Variants in INF2 observed in about 807,000 individuals in gnomAD.
INF2 encodes inverted formin 2.
In INF2, 43 loss-of-function variants were observed where a neutral mutation model predicts 123.5. That is an observed-to-expected ratio of 0.35 (90% CI 0.27 to 0.45). The LOEUF is 0.45. Among genes scored for constraint, INF2 ranks in the 20% least tolerant of loss-of-function variants. INF2 has a pLI of 1.00. For missense variants in INF2, 1,453 were observed against 1,682.7 expected (o/e 0.86, Z 2.39); for synonymous variants, 851 against 745.0 (o/e 1.14, Z -2.32).
intron 18 of INF2, 88 bp from the exon 19 acceptor site, chr14:104,713,119 G>T (rs1890130232): frequency 9.3e-6 from 15 of 1,606,462 alleles, no homozygotes; most frequent in Non-Finnish European, 1.3e-5. Flanking sequence ...GCCCTGCGCT[G>T]CTGCGGCTCA....
intron 5 of INF2, 108 bp from the exon 6 acceptor site, chr14:104,705,927 C>G (rs1376349429): frequency 1.4e-6 from 2 of 1,386,466 alleles, no homozygotes; most frequent in Non-Finnish European, 2.0e-6. Flanking sequence ...GGCTCAGAGT[C>G]CCAGGTGGGC....
chr14:104,713,387 G>A, intron 19 of INF2, 58 bp from the exon 20 acceptor site: 2 of 1,578,232 alleles, frequency 1.3e-6, no homozygotes, highest in South Asian at 2.3e-5. Context: ...ACCACCCCCA[G>A]CCCTCTAGGT....
At position 104,710,052 on chromosome 14, in the gene INF2, G is replaced by A. The variant is rs993072031; in HGVS notation, c.2139-36G>A. ...CCCCTCTGGCAGGGACAGGTGGGGG[G>A]TGCAGGCCACTGATCCCTGTCTGTG... On this transcript the variant is annotated intron_variant, in intron 12 of 22. Coordinates refer to ENST00000392634, the MANE Select transcript of INF2 (RefSeq NM_022489.4). 5 of 1,498,596 alleles carry A rather than the reference G, an allele frequency of 3.3e-6. No individual in the cohort carries two copies. In the Admixed American group the frequency reaches 5.9e-5, roughly 18 times the overall value. The allele number at this position is 1,498,596 out of a possible 1,614,324, so 92.8% of individuals were successfully genotyped here.
chr14:104,687,492 A>ACG (rs1278288642), upstream of INF2, among the ~76,000 whole-genome samples: 1 of 151,546 alleles, frequency 6.6e-6, no homozygotes, highest in Non-Finnish European at 1.5e-5. The surrounding 1 kb of genome is among the most constrained non-coding windows in gnomAD (Gnocchi z 5.6). Flanking sequence ...ACACACACAC[A>ACG]CACAGACACA....
chr14:104,707,877 T>G lies in INF2; in HGVS notation c.1610T>G (p.Val537Gly). 1.3e-6 allele frequency: 2 copies of G among 1,597,316 alleles called. No homozygotes were observed. The highest frequency in any genetic ancestry group is 1.7e-6 in the Non-Finnish European group (2 of 1,176,886). Residue 537 changes from valine to glycine, a missense_variant, in exon 8 of 23, where the codon GTC becomes GGC. Physicochemically the swap from Val to Gly is moderately radical, Grantham distance 109. Coordinates refer to ENST00000392634, the MANE Select transcript of INF2 (RefSeq NM_022489.4). ...CCCGTGGCGGGAGGCATGGAGGAGG[T>G]CATCGTGGCCCAGGTGGACCATGGC... Reference protein sequence around the residue: ...SPPVAGGMEEVIVAQVDHGLG... With the variant: ...SPPVAGGMEEGIVAQVDHGLG...
chr14:104,711,563 G>A (rs1226192508), intron 15 of INF2, 66 bp from the exon 16 acceptor site: 12 of 1,429,624 alleles, frequency 8.4e-6, no homozygotes, highest in Non-Finnish European at 1.2e-5. Flanking sequence ...GGGGGAGTGG[G>A]AACAGGGTCA....
intron 20 of INF2, among the ~76,000 whole-genome samples, 169 bp downstream of exon 20, chr14:104,713,775 C>G (rs1161285566): frequency 6.6e-6 from 1 of 152,216 alleles, no homozygotes; most frequent in Non-Finnish European, 1.5e-5. Flanking sequence ...CCGCTCAGCC[C>G]TCATCCCTCC....
Position 104,683,931 on chromosome 14 carries a change from G to C in INF2, c.-104+2349G>C, listed in dbSNP as rs536033868. ...CTACACGCAGGCAGACTATGGGTTG[G>C]GGTGCGGGTGGGTCTCAGGCACTTC... On this transcript the variant is annotated intron_variant, in intron 1 of 2. Coordinates refer to the INF2 transcript ENST00000674723. 149 of 410,232 alleles carry C rather than the reference G, an allele frequency of 3.6e-4. 2 individuals are homozygous for C. The Middle Eastern group carries it at 0.011, about 31-fold the overall frequency. The allele number at this position is 410,232 out of a possible 1,614,324, so 25.4% of individuals were successfully genotyped here.
At position 104,699,639 on chromosome 14, in the gene INF2, G is replaced by A. The variant is rs1042644697; in HGVS notation, c.-9-1718G>A. ...CTGGGTGACCAAGAGGGCCGGGCCT[G>A]GGAGGGTGGCTTAAAACCACAGTGC... On this transcript the variant is annotated intron_variant, in intron 1 of 22. Coordinates refer to ENST00000392634, the MANE Select transcript of INF2 (RefSeq NM_022489.4). The surrounding 1 kb of genome is among the most constrained non-coding windows in gnomAD (Gnocchi z 4.7). 1 of 974,936 alleles carries A rather than the reference G, an allele frequency of 1.0e-6. No homozygotes were observed. The highest frequency in any genetic ancestry group is 1.2e-6 in the Non-Finnish European group (1 of 820,496). The allele number at this position is 974,936 out of a possible 1,614,324, so 60.4% of individuals were successfully genotyped here.
At chr14:104,717,944 G>A (rs1449313109) in intron 22 of INF2, among the ~76,000 whole-genome samples, 1 of 152,122 alleles carries the variant, frequency 6.6e-6, no homozygotes, top group Non-Finnish European at 1.5e-5. Flanking sequence ...CCACTGCCGT[G>A]CATTTGATGG....
intron 16 of INF2, among the ~76,000 whole-genome samples, chr14:104,711,988 T>C (rs573753430): frequency 6.6e-6 from 1 of 152,194 alleles, no homozygotes; most frequent in East Asian, 1.9e-4. Flanking sequence ...AGGTGGACCT[T>C]CACGACAGCC....
chr14:104,713,520 A>G lies in INF2; in HGVS notation c.2954A>G (p.Gln985Arg), dbSNP rs1384784071. 1 of 1,611,706 alleles carries G rather than the reference A, an allele frequency of 6.2e-7. No individual in the cohort carries two copies. The highest frequency in any genetic ancestry group is 2.2e-5 in the East Asian group (1 of 44,844). The stretch of plus-strand genomic sequence containing the variant: ...CTGGCTGACATCAGGAAGGGCTTCC[A>G]GCTGCGGAAGACAGCCCGGGGCCGC... Reference protein sequence around the residue: ...ALLADIRKGFQLRKTARGRGD... With the variant: ...ALLADIRKGFRLRKTARGRGD... Residue 985 changes from glutamine to arginine, a missense_variant, in exon 20 of 23, where the codon CAG becomes CGG. Physicochemically the swap from Gln to Arg is conservative, Grantham distance 43 (BLOSUM62 1). Coordinates refer to ENST00000392634, the MANE Select transcript of INF2 (RefSeq NM_022489.4).
chr14:104,715,040 C>T (rs1244511596), intron 21 of INF2, among the ~76,000 whole-genome samples, 184 bp downstream of exon 21: 3 of 152,218 alleles, frequency 2.0e-5, no homozygotes, highest in Admixed American at 6.5e-5. Context: ...TGCCGCGGCC[C>T]GTGCAACTAT....
At chr14:104,713,924 G>A (rs999124403) in intron 20 of INF2, among the ~76,000 whole-genome samples, 2 of 152,340 alleles carry the variant, frequency 1.3e-5, no homozygotes, top group Admixed American at 6.5e-5. Context: ...TGCTAGAGGT[G>A]GCAGGAAAGG....
rs1389268909 is a variant in INF2, at chr14:104,713,603, C to A, written c.3037C>A (p.Pro1013Thr). 4 of 1,612,204 alleles carry A rather than the reference C, an allele frequency of 2.5e-6. No individual in the cohort carries two copies. Among genetic ancestry groups the A allele is most frequent in the Non-Finnish European group, 3.4e-6 (4 of 1,179,612 alleles). ...ASMDPPRATEPVATSNPAGDP... is the reference protein window; with the variant it reads ...ASMDPPRATETVATSNPAGDP... ...CATGGATCCCCCAAGAGCCACAGAG[C>A]CTGGTAAGACCCTCTCCCACTGCCT... The change falls in exon 20 of 23, where the codon CCT becomes ACT. Residue 1013 changes from proline (P) to threonine (T), a missense_variant. Physicochemically the swap from Pro to Thr is conservative, Grantham distance 38 (BLOSUM62 -1). Transcript: ENST00000392634.
intron 22 of INF2, among the ~76,000 whole-genome samples, chr14:104,717,093 C>A (rs530203212): frequency 3.3e-5 from 5 of 152,366 alleles, no homozygotes; most frequent in African/African-American, 9.6e-5. Flanking sequence ...CCAAAAATAC[C>A]AAAATTGTGA....
chr14:104,701,329 C>A, intron 1 of INF2, 28 bp from the exon 2 acceptor site: 2 of 1,548,936 alleles, frequency 1.3e-6, no homozygotes, highest in Non-Finnish European at 1.7e-6. Flanking sequence ...CCCCTCCCCG[C>A]TGACGGCTCC....
At chr14:104,681,511 C>A (rs1394682704) in exon 1 of INF2, 30 of 1,255,882 alleles carry the variant, frequency 2.4e-5, no homozygotes, top group Non-Finnish European at 3.1e-5. Flanking sequence ...GCACCAGCGC[C>A]CCCTCTCAGC....
intron 22 of INF2, among the ~76,000 whole-genome samples, 166 bp downstream of exon 22, chr14:104,715,506 G>A (rs1890259002): frequency 6.6e-6 from 1 of 152,150 alleles, no homozygotes; most frequent in South Asian, 2.1e-4. Context: ...TGGGCTTCCC[G>A]CCCCATCCCC....
Sources: allele counts gnomAD v4.1 joint callset (sites outside exome capture counted in the v4.1 genomes callset), GRCh38; gene constraint gnomAD v4.1.1; non-coding constraint Gnocchi (gnomAD v3.1); transcripts MANE v1.5; gene names NCBI Gene and HGNC (gene_info 2026-07-23, HGNC 2026-07-21).